Variants in KRT9 observed in about 807,000 individuals in gnomAD.
KRT9 encodes keratin, type I cytoskeletal 9.
KRT9 carries 34 observed loss-of-function variants against 51.4 expected under a neutral mutation model. That is an observed-to-expected ratio of 0.66 (90% CI 0.50 to 0.88). The LOEUF (loss-of-function observed/expected upper bound fraction) is 0.88, where lower values mean the gene tolerates loss of function less well. Among genes scored for constraint, KRT9 ranks in the 40% least tolerant of loss-of-function variants. KRT9 has a pLI of 0.00. For missense variants in KRT9, 753 were observed against 790.3 expected, an observed-to-expected ratio of 0.95 and a Z score of 0.57; for synonymous variants, 292 against 289.7, an observed-to-expected ratio of 1.01 and a Z score of -0.08.
Position 41,571,933 on chromosome 17 carries a change from G to GCCCCCGCCA in KRT9, c.51_59dup (p.Gly19_Gly21dup), listed in dbSNP as rs1269865109. On this transcript the variant is annotated inframe_insertion, in exon 1 of 8. Transcript: ENST00000246662. ...TTATGCTGCCCCCGCTGCCCAGGCC[G>GCCCCCGCCA]CCCCCGCCACCCCCGCCGCTGCGGC... 2 of 1,576,888 alleles carry GCCCCCGCCA rather than the reference G, an allele frequency of 1.3e-6. No homozygotes were observed. The highest frequency in any genetic ancestry group is 1.1e-5 in the South Asian group (1 of 87,162).
Position 41,568,228 on chromosome 17 carries a change from AT to A in KRT9, c.1327del (p.Ile443LeufsTer?), listed in dbSNP as rs1482400962. The A allele has an allele frequency of 1.2e-6, 2 of 1,613,976 alleles. No homozygotes were observed. The part of the protein sequence containing the change: ...QNQEYSLLLS[I>X]KMRLEKEIET... Reference sequence around the variant, plus strand: ...GATTTCCTTCTCCAGCCGCATCTTAATGCTGAGCAGAAGGCTGTATTCCTGA... The same window carrying A: ...GATTTCCTTCTCCAGCCGCATCTTAAGCTGAGCAGAAGGCTGTATTCCTGA... On this transcript the variant is annotated frameshift_variant, in exon 6 of 8. Coordinates refer to ENST00000246662, the MANE Select transcript of KRT9 (RefSeq NM_000226.4). LOFTEE classifies it high-confidence loss of function.
Position 41,571,655 on chromosome 17 carries a change from C to T in KRT9, c.338G>A (p.Gly113Asp), listed in dbSNP as rs936910564. 6.2e-6 allele frequency: 10 copies of T among 1,604,428 alleles called. No individual in the cohort carries two copies. The highest frequency in any genetic ancestry group is 7.7e-6 in the Non-Finnish European group (9 of 1,175,238). Residue 113 changes from glycine (G) to aspartate (D), a missense_variant, in exon 1 of 8, where the codon GGT becomes GAT. Coordinates refer to ENST00000246662, the MANE Select transcript of KRT9 (RefSeq NM_000226.4). ...ACCTCCAGAACCACCACCAAAGCCA[C>T]CTCCAAAACCCCCAGAACTACTATA... ...GGYSSSGGFG[G>D]GFGGGSGGGF...
In KRT9 at chr17:41,569,844, G is replaced by A; in HGVS notation, c.882+15C>T. 1 of 1,613,996 alleles carries A rather than the reference G, an allele frequency of 6.2e-7. No homozygotes were observed. The highest frequency in any genetic ancestry group is 8.5e-7 in the Non-Finnish European group (1 of 1,180,002). ...CCTCCCTCTTCCCGGTAAGCCATAAGCCCCAGCAACCTACCTCCTTATGAT... is the reference window on the plus strand; with the variant it reads ...CCTCCCTCTTCCCGGTAAGCCATAAACCCCAGCAACCTACCTCCTTATGAT... On this transcript the variant is annotated intron_variant, in intron 3 of 7. Transcript: ENST00000246662.
At chr17:41,570,856 CAT>C (rs1256280310) in intron 1 of KRT9, among the ~76,000 whole-genome samples, 1 of 152,104 alleles carries the variant, frequency 6.6e-6, no homozygotes, top group African/African-American at 2.4e-5. Flanking sequence ...GATAGATAGA[CAT>C]GTGGGTGGAG....
At chr17:41,567,131 G>A in intron 7 of KRT9, 102 bp downstream of exon 7, 1 of 1,556,802 alleles carries the variant, frequency 6.4e-7, no homozygotes, top group Middle Eastern at 2.3e-4. Context: ...CTAACATCTA[G>A]CTCTATTCAG....
intron 1 of KRT9, 118 bp from the exon 2 acceptor site, chr17:41,570,338 G>A (rs1907041221): frequency 1.1e-6 from 1 of 880,416 alleles, no homozygotes. Flanking sequence ...CAAGAGGAAT[G>A]AGGAACTTCC....
intron 6 of KRT9, 47 bp from the exon 7 acceptor site, chr17:41,567,797 C>T: frequency 6.2e-7 from 1 of 1,611,868 alleles, no homozygotes; most frequent in Non-Finnish European, 8.5e-7. Context: ...GGCCCCCATA[C>T]ACATATATGA....
At chr17:41,566,532 C>G (rs981767074) in intron 7 of KRT9, among the ~76,000 whole-genome samples, 1 of 152,222 alleles carries the variant, frequency 6.6e-6, no homozygotes, top group Non-Finnish European at 1.5e-5. Flanking sequence ...ATTAGACACC[C>G]TGCAGGGCAG....
chr17:41,568,882 T>C (rs192254570), intron 4 of KRT9, among the ~76,000 whole-genome samples: 1 of 150,274 alleles, frequency 6.7e-6, no homozygotes, highest in Admixed American at 6.6e-5. Flanking sequence ...AATCTAACCT[T>C]ATTCCAAACT....
intron 3 of KRT9, 48 bp from the exon 4 acceptor site, chr17:41,569,635 C>T (rs752621171): frequency 6.2e-7 from 1 of 1,607,948 alleles, no homozygotes. Context: ...GTCCTCTGCA[C>T]CACCTTTCAG....
intron 6 of KRT9, 52 bp from the exon 7 acceptor site, chr17:41,567,802 A>G: frequency 6.2e-7 from 1 of 1,611,434 alleles, no homozygotes. Context: ...CCATACACAT[A>G]TATGAGGATG....
chr17:41,567,344 C>T lies in KRT9; in HGVS notation c.1801G>A (p.Gly601Arg), dbSNP rs866136506. Reference protein sequence around the residue: ...GFGGESGGSYGGGEEASGSGG... With the variant: ...GFGGESGGSYRGGEEASGSGG... ...CTTCCACTCGCTTCTTCACCGCCTC[C>T]GTAGCTGCCTCCACTTTCACCTCCA... is the stretch of plus-strand genomic sequence containing the variant. The change falls in exon 7 of 8, where the codon GGA (glycine) becomes AGA (arginine). Residue 601 changes from glycine to arginine, a missense_variant. Coordinates refer to ENST00000246662, the MANE Select transcript of KRT9 (RefSeq NM_000226.4). 1.1e-5 allele frequency: 18 copies of T among 1,613,852 alleles called. No homozygotes were observed. Among genetic ancestry groups the T allele is most frequent in the East Asian group, 2.2e-5 (1 of 44,904 alleles).
rs5820419 is a variant in KRT9, at chr17:41,568,911, TACAC to T, written c.1045-282_1045-279del. Among the ~76,000 whole-genome samples, 11,869 of 133,642 alleles carry T rather than the reference TACAC, an allele frequency of 0.089. 577 individuals are homozygous for T. The highest frequency in any genetic ancestry group is 0.16 in the African/African-American group (5,543 of 35,590). 87.7% of individuals were successfully genotyped at this position (133,642 alleles called of 152,430 possible). A position where few individuals can be genotyped will look rare whatever the true frequency, so the allele number is the denominator to read the frequency against. ...CCAAACTTCCCCCACCTTTCAAACA[TACAC>T]ACACACACACACACACACACACACA... On this transcript the variant is annotated intron_variant, in intron 4 of 7. Transcript: ENST00000246662.
Position 41,567,267 on chromosome 17 carries a change from A to C in KRT9, c.*6T>G, listed in dbSNP as rs1275852910. The C allele has an allele frequency of 6.2e-7, 1 of 1,613,962 alleles. No homozygotes were observed. Among genetic ancestry groups the C allele is most frequent in the Non-Finnish European group, 8.5e-7 (1 of 1,180,028 alleles). ...CATCTTGGTCACCAGATTTTGAGGA[A>C]GAAGACTAGGAATGGGATGATTTTC... is the stretch of plus-strand genomic sequence containing the variant. On this transcript the variant is annotated 3_prime_UTR_variant, in exon 7 of 8. Coordinates refer to ENST00000246662, the MANE Select transcript of KRT9 (RefSeq NM_000226.4).
At position 41,569,473 on chromosome 17, in the gene KRT9, G is replaced by C; in HGVS notation, c.997C>G (p.Leu333Val). 1 of 1,614,136 alleles carries C rather than the reference G, an allele frequency of 6.2e-7. No homozygotes were observed. Among genetic ancestry groups the C allele is most frequent in the Non-Finnish European group, 8.5e-7 (1 of 1,180,022 alleles). The change falls in exon 4 of 8, where the codon CTC (leucine) becomes GTC (valine). Residue 333 changes from leucine (L) to valine (V), a missense_variant. By Grantham distance (32) the Leu-to-Val change is conservative (BLOSUM62 1). Transcript: ENST00000246662. ...ATGTCCTTTCTGTTCTTAGCAATGA[G>C]CTGCTCATACTCCTGACGCATGTCA... is the stretch of plus-strand genomic sequence containing the variant. ...LNDMRQEYEQ[L>V]IAKNRKDIEN... is the part of the protein sequence containing the mutation.
intron 5 of KRT9, 32 bp downstream of exon 5, chr17:41,568,476 C>G: frequency 6.2e-7 from 1 of 1,614,170 alleles, no homozygotes; most frequent in South Asian, 1.1e-5. Context: ...TGTGCCCCAC[C>G]TTGGCAAAGG....
rs915748164 is a variant in KRT9 at position 41,569,505 on chromosome 17, G to T, written c.965C>A (p.Thr322Asn). The change falls in exon 4 of 8, where the codon ACC (threonine) becomes AAC (asparagine). Residue 322 changes from threonine to asparagine, a missense_variant. By Grantham distance (65) the Thr-to-Asn change is moderately conservative. This residue lies in a region of KRT9 where 507 missense variants were observed against 563.7 expected (regional missense o/e 0.90). Coordinates refer to ENST00000246662, the MANE Select transcript of KRT9 (RefSeq NM_000226.4). ...NVAPGKDLTK[T>N]LNDMRQEYEQ... ...ATACTCCTGACGCATGTCATTGAGG[G>T]TCTTGGTGAGATCTTTGCCAGGAGC... is the stretch of plus-strand genomic sequence containing the variant. 1.2e-6 allele frequency: 2 copies of T among 1,614,004 alleles called. No individual in the cohort carries two copies. Among genetic ancestry groups the T allele is most frequent in the East Asian group, 2.2e-5 (1 of 44,902 alleles).
rs1192767716 is a variant in KRT9, at chr17:41,567,227, C to A, written c.*40+6G>T. 2.5e-6 allele frequency: 4 copies of A among 1,613,862 alleles called. No homozygotes were observed. The highest frequency in any genetic ancestry group is 3.4e-6 in the Non-Finnish European group (4 of 1,180,014). ...CTCCACCCCACAACCTAGGATTGTC[C>A]CTTACCTTTTGTCTCATCTTGGTCA... On this transcript the variant is annotated splice_donor_region_variant and intron_variant, in intron 7 of 7. Transcript: ENST00000246662.
At chr17:41,570,083 T>G in intron 2 of KRT9, 55 bp downstream of exon 2, 2 of 1,610,984 alleles carry the variant, frequency 1.2e-6, no homozygotes, top group Non-Finnish European at 1.7e-6. Flanking sequence ...TCCAGAGCAC[T>G]GAGGTTCAGG....
Sources: gnomAD v4.1 joint callset for allele counts (sites outside exome capture counted in the v4.1 genomes callset) on GRCh38, gnomAD v4.1.1 for gene constraint, gnomAD v4.1.1 regional missense constraint, MANE v1.5 for transcripts, NCBI Gene and HGNC (gene_info 2026-07-23, HGNC 2026-07-21) for gene names.